The following CAMTA1 variants were observed in gnomAD, a reference collection of about 807,000 sequenced individuals.
The protein encoded by CAMTA1 is calmodulin binding transcription activator 1, also known as calmodulin-binding transcription activator 1.
In CAMTA1, 27 loss-of-function variants were observed where a neutral mutation model predicts 170.9. That is an observed-to-expected ratio of 0.16 (90% CI 0.12 to 0.22). The LOEUF is 0.22. Ranked by LOEUF, CAMTA1 falls within the 10% of genes least tolerant of loss-of-function variation. CAMTA1 has a pLI of 1.00. For missense variants in CAMTA1, 1,619 were observed against 2,217.2 expected (o/e 0.73, Z 5.42); for synonymous variants, 833 against 891.5 (o/e 0.93, Z 1.17).
chr1:7,103,841 CAT>C (rs142306203), intron 4 of CAMTA1, among the ~76,000 whole-genome samples: 62,245 of 128,444 alleles, frequency 0.48, 13,903 homozygotes, highest in South Asian at 0.6. Context: ...CAACTACACA[CAT>C]GTACACACAA....
rs940692927 is a variant in CAMTA1 at position 7,748,207 on chromosome 1, C to T, written c.4689+426C>T. 6.6e-6 allele frequency among the ~76,000 whole-genome samples: 1 copy of T among 151,888 alleles called. No individual in the cohort carries two copies. Among genetic ancestry groups the T allele is most frequent in the Admixed American group, 6.6e-5 (1 of 15,248 alleles). On this transcript the variant is annotated intron_variant, in intron 19 of 22. Transcript: ENST00000303635. The surrounding 1 kb of genome is among the most constrained non-coding windows in gnomAD (Gnocchi z 4.7). ...GATTACAAGCATGAGCCGCAGCGCC[C>T]GGCCAGAGACTTAATTTGAACTGCC...
At chr1:7,112,835 A>G (rs1644145059) in intron 4 of CAMTA1, among the ~76,000 whole-genome samples, 1 of 152,078 alleles carries the variant, frequency 6.6e-6, no homozygotes, top group South Asian at 2.1e-4. Context: ...CTTTGATCCC[A>G]CGGGCCATTT....
chr1:7,328,895 T>C (rs931796781), intron 5 of CAMTA1, among the ~76,000 whole-genome samples: 1 of 152,218 alleles, frequency 6.6e-6, no homozygotes, highest in Admixed American at 6.5e-5. Context: ...TAATTTTATA[T>C]TATGTTTTTG....
At chr1:6,868,476 A>C (rs1667409040) in intron 3 of CAMTA1, among the ~76,000 whole-genome samples, 2 of 151,902 alleles carry the variant, frequency 1.3e-5, no homozygotes, top group African/African-American at 2.4e-5. Context: ...ATTTCTTTAC[A>C]GTTCTTCCAT....
intron 6 of CAMTA1, among the ~76,000 whole-genome samples, chr1:7,550,824 C>T (rs766463477): frequency 4.4e-5 from 5 of 114,008 alleles, no homozygotes; most frequent in Admixed American, 9.9e-5. Flanking sequence ...CCCTACCACC[C>T]GGCCCCCTCA....
chr1:7,627,477 A>G (rs891600267), intron 6 of CAMTA1, among the ~76,000 whole-genome samples: 2 of 152,218 alleles, frequency 1.3e-5, no homozygotes, highest in Non-Finnish European at 2.9e-5. Flanking sequence ...AAGGTTTCCC[A>G]TGCCTCGGGC....
chr1:7,718,678 C>T (rs963640657), intron 11 of CAMTA1, among the ~76,000 whole-genome samples: 2 of 151,712 alleles, frequency 1.3e-5, no homozygotes, highest in African/African-American at 4.8e-5. Flanking sequence ...CTGCCTCAGC[C>T]TCCCGAGTAG....
intron 3 of CAMTA1, among the ~76,000 whole-genome samples, chr1:6,954,339 A>G (rs1689063851): frequency 6.6e-6 from 1 of 152,212 alleles, no homozygotes; most frequent in African/African-American, 2.4e-5. Flanking sequence ...TTTACCCTGC[A>G]GGAGTAACGC....
intron 3 of CAMTA1, among the ~76,000 whole-genome samples, chr1:7,077,038 T>C (rs1375246717): frequency 6.6e-6 from 1 of 152,216 alleles, no homozygotes; most frequent in African/African-American, 2.4e-5. Context: ...TCCAAACACC[T>C]TTCATCTATT....
At chr1:7,747,656 C>T in intron 18 of CAMTA1, 54 bp from the exon 19 acceptor site, 1 of 1,281,772 alleles carries the variant, frequency 7.8e-7, no homozygotes, top group Non-Finnish European at 1.1e-6. Context: ...AAAAAGCTGA[C>T]ATTTCTGGTA....
At chr1:7,481,035 C>T (rs1442909706) in intron 6 of CAMTA1, among the ~76,000 whole-genome samples, 1 of 152,210 alleles carries the variant, frequency 6.6e-6, no homozygotes, top group Non-Finnish European at 1.5e-5. Flanking sequence ...TTATGCCCCT[C>T]TTTCCCTCAC....
At chr1:7,004,165 C>G (rs570238791) in intron 3 of CAMTA1, among the ~76,000 whole-genome samples, 4 of 152,296 alleles carry the variant, frequency 2.6e-5, no homozygotes, top group African/African-American at 9.6e-5. Context: ...TTCCGTCATC[C>G]AGTTAATGGT....
At chr1:6,811,646 T>A (rs528889545) in intron 1 of CAMTA1, among the ~76,000 whole-genome samples, 19 of 152,334 alleles carry the variant, frequency 1.2e-4, no homozygotes, top group African/African-American at 3.8e-4. Context: ...AGTTTTATAG[T>A]AATCAAGCTA....
intron 11 of CAMTA1, among the ~76,000 whole-genome samples, chr1:7,691,295 G>A (rs909948512): frequency 6.6e-6 from 1 of 152,206 alleles, no homozygotes; most frequent in Non-Finnish European, 1.5e-5. Context: ...GAGGCAGAGG[G>A]GCAGGCAGTG....
intron 6 of CAMTA1, among the ~76,000 whole-genome samples, chr1:7,589,515 G>A (rs1014156109): frequency 1.3e-5 from 2 of 152,178 alleles, no homozygotes; most frequent in East Asian, 1.9e-4. Context: ...GTGGCTTGAC[G>A]GCTTGACGCA....
chr1:7,244,164 A>T (rs1001351200), intron 4 of CAMTA1, among the ~76,000 whole-genome samples: 1 of 152,220 alleles, frequency 6.6e-6, no homozygotes, highest in African/African-American at 2.4e-5. Context: ...TGGCCATCAG[A>T]GAAATGCAAA....
chr1:7,016,663 A>G (rs56899512), intron 3 of CAMTA1, among the ~76,000 whole-genome samples: 19,279 of 152,154 alleles, frequency 0.13, 1,506 homozygotes, highest in Middle Eastern at 0.24. Flanking sequence ...GGGAAACCCC[A>G]TCTCTACCAA....
chr1:7,621,194 T>A (rs1254509487), intron 6 of CAMTA1, among the ~76,000 whole-genome samples: 5 of 152,094 alleles, frequency 3.3e-5, no homozygotes, highest in Admixed American at 2.0e-4. Context: ...GGTCCTCTCA[T>A]AGGGGCAACT....
intron 4 of CAMTA1, among the ~76,000 whole-genome samples, chr1:7,226,610 C>T (rs995428149): frequency 2.6e-5 from 4 of 152,100 alleles, no homozygotes; most frequent in Non-Finnish European, 2.9e-5. Flanking sequence ...TCAATGCTTC[C>T]GGACTTTTCC....
Sources: allele counts gnomAD v4.1 joint callset (sites outside exome capture counted in the v4.1 genomes callset), GRCh38; gene constraint gnomAD v4.1.1; non-coding constraint Gnocchi (gnomAD v3.1); transcripts MANE v1.5; gene names NCBI Gene and HGNC (gene_info 2026-07-23, HGNC 2026-07-21).